The following FBLIM1 variants were observed in gnomAD, a reference collection of about 807,000 sequenced individuals.
The protein encoded by FBLIM1 is filamin-binding LIM protein 1.
Under a neutral mutation model 37.4 loss-of-function variants are expected in FBLIM1, and 29 were observed. The observed-to-expected ratio is 0.77, with a 90% CI of 0.58 to 1.06. FBLIM1 has a LOEUF of 1.06. FBLIM1 is among the 50% of genes least tolerant of loss of function. The pLI is 0.00. For missense variants in FBLIM1, 449 were observed against 505.6 expected (o/e 0.89, Z 1.07); for synonymous variants, 193 against 199.0 (o/e 0.97, Z 0.25).
intron 7 of FBLIM1, among the ~76,000 whole-genome samples, chr1:15,775,503 C>G (rs1011791236): frequency 6.6e-6 from 1 of 151,056 alleles, no homozygotes; most frequent in African/African-American, 2.4e-5. Context: ...CCACTGCACT[C>G]CAGCCTGGGT....
chr1:15,777,785 C>G (rs1009134016), intron 8 of FBLIM1, among the ~76,000 whole-genome samples: 3 of 152,218 alleles, frequency 2.0e-5, no homozygotes, highest in African/African-American at 4.8e-5. Flanking sequence ...GTTGGCCAGG[C>G]TGGTCTGGAA....
chr1:15,778,674 C>T (rs2069559072), intron 8 of FBLIM1, among the ~76,000 whole-genome samples: 1 of 151,628 alleles, frequency 6.6e-6, no homozygotes, highest in African/African-American at 2.4e-5. Context: ...GGATTTCACT[C>T]GCGTTACCCA....
chr1:15,759,798 T>G (rs1054394506), intron 1 of FBLIM1, among the ~76,000 whole-genome samples: 4 of 152,118 alleles, frequency 2.6e-5, no homozygotes, highest in Non-Finnish European at 5.9e-5. Context: ...CTCCTCTGTT[T>G]CCCTGGGGTG....
chr1:15,773,970 C>T (rs2069358884), intron 6 of FBLIM1, among the ~76,000 whole-genome samples: 1 of 151,898 alleles, frequency 6.6e-6, no homozygotes, highest in South Asian at 2.1e-4. Context: ...TGGTGAAACA[C>T]CGTGTCTACA....
intron 3 of FBLIM1, 65 bp from the exon 4 acceptor site, chr1:15,767,311 T>C: frequency 6.9e-7 from 1 of 1,447,934 alleles, no homozygotes; most frequent in Non-Finnish European, 9.2e-7. Flanking sequence ...GCCATGTAGG[T>C]AAGTAAAACC....
intron 6 of FBLIM1, among the ~76,000 whole-genome samples, chr1:15,772,314 C>T (rs533477101): frequency 3.3e-5 from 5 of 152,296 alleles, no homozygotes; most frequent in East Asian, 1.9e-4. Flanking sequence ...CCCTCCCTGC[C>T]GTGTCCCTGT....
intron 1 of FBLIM1, among the ~76,000 whole-genome samples, chr1:15,761,533 T>C (rs890188777): frequency 6.6e-6 from 1 of 152,084 alleles, no homozygotes; most frequent in Non-Finnish European, 1.5e-5. Flanking sequence ...AAATCTCACA[T>C]GTACTCTGAA....
chr1:15,760,811 G>A (rs1248833441), intron 1 of FBLIM1, among the ~76,000 whole-genome samples: 1 of 152,164 alleles, frequency 6.6e-6, no homozygotes, highest in East Asian at 1.9e-4. Context: ...GCTCTCTGGG[G>A]GAGGAAGAGT....
intron 6 of FBLIM1, 88 bp from the exon 7 acceptor site, chr1:15,774,530 C>T: frequency 5.3e-6 from 8 of 1,509,548 alleles, no homozygotes; most frequent in Non-Finnish European, 6.2e-6. Flanking sequence ...GTTCCTGGGC[C>T]CCTGAGGGCA....
At chr1:15,767,059 T>G (rs745706619) in intron 3 of FBLIM1, among the ~76,000 whole-genome samples, 10 of 151,874 alleles carry the variant, frequency 6.6e-5, no homozygotes, top group Non-Finnish European at 1.5e-4. Context: ...CTGGCTACAT[T>G]TTTTTTAATT....
chr1:15,757,026 G>A (rs1331350436), upstream of FBLIM1, among the ~76,000 whole-genome samples: 1 of 152,178 alleles, frequency 6.6e-6, no homozygotes, highest in Non-Finnish European at 1.5e-5. This position sits in a 1 kb window ranked among gnomAD's most constrained non-coding sequence, Gnocchi z 4.1. Context: ...CCTCCTTTGA[G>A]TCCTTCCCGT....
chr1:15,782,036 AT>A (rs2148659850), intron 8 of FBLIM1, among the ~76,000 whole-genome samples: 2 of 151,862 alleles, frequency 1.3e-5, no homozygotes, highest in East Asian at 3.9e-4. Context: ...GTATTTTTTA[AT>A]TTATAAAATG....
intron 6 of FBLIM1, among the ~76,000 whole-genome samples, chr1:15,772,140 C>T (rs1031767477): frequency 2.6e-5 from 4 of 152,136 alleles, no homozygotes; most frequent in African/African-American, 9.7e-5. Context: ...TGGAAATCAG[C>T]ATTTTGAATC....
At chr1:15,783,569 CTTT>C (rs58141962) in intron 8 of FBLIM1, among the ~76,000 whole-genome samples, 2 of 81,256 alleles carry the variant, frequency 2.5e-5, no homozygotes, top group Non-Finnish European at 4.6e-5. Flanking sequence ...AACTTACGTT[CTTT>C]TTTTTTTTTT....
At chr1:15,771,033 A>G (rs992481741) in intron 6 of FBLIM1, among the ~76,000 whole-genome samples, 1 of 151,882 alleles carries the variant, frequency 6.6e-6, no homozygotes, top group African/African-American at 2.4e-5. Context: ...TCGGCCACCC[A>G]GGTTCAAGGG....
intron 3 of FBLIM1, among the ~76,000 whole-genome samples, chr1:15,766,672 GCAACCTCCGCCTC>G (rs2068939562): frequency 6.6e-6 from 1 of 151,534 alleles, no homozygotes; most frequent in Non-Finnish European, 1.5e-5. Context: ...TCAGCTCACT[GCAACCTCCGCCTC>G]CTGGGTTCAA....
chr1:15,774,818 T>C (rs2069411816), intron 7 of FBLIM1, 22 bp downstream of exon 7: 4 of 1,613,778 alleles, frequency 2.5e-6, no homozygotes, highest in Non-Finnish European at 3.4e-6. Context: ...GTTTGTGCAC[T>C]GGGTGGGGTG....
At chr1:15,761,052 C>T (rs2068652255) in intron 1 of FBLIM1, among the ~76,000 whole-genome samples, 1 of 152,134 alleles carries the variant, frequency 6.6e-6, no homozygotes, top group South Asian at 2.1e-4. Context: ...GAACATCTGG[C>T]CTCAGTGCTG....
rs778237381 is a variant in FBLIM1 at position 15,770,576 on chromosome 1, C to G, written c.709C>G (p.Gln237Glu). 1.9e-6 allele frequency: 3 copies of G among 1,613,538 alleles called. No individual in the cohort carries two copies. Among genetic ancestry groups the G allele is most frequent in the Non-Finnish European group, 2.5e-6 (3 of 1,179,762 alleles). Residue 237 changes from glutamine (Q) to glutamate (E), a missense_variant and splice_region_variant, in exon 6 of 9, where the codon CAG becomes GAG. Gln to Glu is a conservative substitution (Grantham distance 29). Coordinates refer to ENST00000375766, the MANE Select transcript of FBLIM1 (RefSeq NM_017556.4). Reference sequence around the variant, plus strand: ...GCGACCCCTCTGCGAACCCTGCTACCAGGTAACCCCTGCAGCAGACCTCTG... The same window carrying G: ...GCGACCCCTCTGCGAACCCTGCTACGAGGTAACCCCTGCAGCAGACCTCTG... ...DGRPLCEPCYQDTLERCGKCG... is the reference protein window; with the variant it reads ...DGRPLCEPCYEDTLERCGKCG...
Sources: allele counts gnomAD v4.1 joint callset (sites outside exome capture counted in the v4.1 genomes callset), GRCh38; gene constraint gnomAD v4.1.1; non-coding constraint Gnocchi (gnomAD v3.1); transcripts MANE v1.5; gene names NCBI Gene and HGNC (gene_info 2026-07-23, HGNC 2026-07-21).